The following ZMYM2 variants were observed in gnomAD, a reference collection of about 807,000 sequenced individuals.
ZMYM2 encodes the protein zinc finger MYM-type protein 2.
Under a neutral mutation model 162.8 loss-of-function variants are expected in ZMYM2, and 56 were observed. The observed-to-expected ratio is 0.34, with a 90% confidence interval of 0.28 to 0.43. The LOEUF is 0.43. Among genes scored for constraint, ZMYM2 ranks in the 20% least tolerant of loss-of-function variants. ZMYM2 has a pLI of 1.00. For synonymous variants in ZMYM2, 510 were observed against 541.6 expected (o/e 0.94, Z 0.81); for missense variants, 1,275 against 1,621.8 (o/e 0.79, Z 3.67).
chr13:19,952,496 C>G, the ZMYM2 span, among the ~76,000 whole-genome samples: 2 of 152,068 alleles, frequency 1.3e-5, no homozygotes, highest in African/African-American at 2.4e-5. Flanking sequence ...GTTGTATACA[C>G]TAAATATATT....
chr13:19,953,055 T>C, the ZMYM2 span, among the ~76,000 whole-genome samples: 2 of 152,206 alleles, frequency 1.3e-5, no homozygotes. Context: ...AGACATGTGA[T>C]GCTTTCCTTG....
At chr13:19,891,777 TA>T in the ZMYM2 span, among the ~76,000 whole-genome samples, 1 of 151,522 alleles carries the variant, frequency 6.6e-6, no homozygotes, top group Non-Finnish European at 1.5e-5. Flanking sequence ...ATCCTCCCTC[TA>T]AAAAAAATAA....
chr13:19,950,993 T>C, the ZMYM2 span, among the ~76,000 whole-genome samples: 1 of 152,362 alleles, frequency 6.6e-6, no homozygotes, highest in Non-Finnish European at 1.5e-5. Flanking sequence ...TTGTAAACTT[T>C]CTTAAAACGT....
chr13:19,982,281 CTTTTTTTTT>C (rs56165263), intron 2 of ZMYM2, among the ~76,000 whole-genome samples: 61 of 86,268 alleles, frequency 7.1e-4, no homozygotes, highest in Admixed American at 1.9e-3. Flanking sequence ...TATTAGCTGT[CTTTTTTTTT>C]TTTTTTTTTT....
intron 4 of ZMYM2, among the ~76,000 whole-genome samples, chr13:20,004,774 C>T (rs1950624088): frequency 6.6e-6 from 1 of 152,108 alleles, no homozygotes; most frequent in African/African-American, 2.4e-5. Flanking sequence ...ACATTAATTC[C>T]ATATAACTAA....
the ZMYM2 span, among the ~76,000 whole-genome samples, chr13:19,881,087 C>T: frequency 6.6e-6 from 1 of 151,760 alleles, no homozygotes; most frequent in Non-Finnish European, 1.5e-5. Context: ...GGGCATTTCA[C>T]CATGTTGGTC....
the ZMYM2 span, among the ~76,000 whole-genome samples, chr13:19,947,451 C>CTTTTTTTTTTTTTTTTTTTTTTTTT: frequency 7.7e-6 from 1 of 130,054 alleles, no homozygotes. Context: ...TCTTCTTCGT[C>CTTTTTTTTTTTTTTTTTTTTTTTTT]TTTTTTTTTT....
chr13:20,084,945 T>C (rs1258028579), intron 24 of ZMYM2, among the ~76,000 whole-genome samples: 1 of 152,150 alleles, frequency 6.6e-6, no homozygotes, highest in African/African-American at 2.4e-5. Context: ...TGACCAGAAG[T>C]GTTTTAGATT....
chr13:19,888,583 CTTCAT>C, the ZMYM2 span, among the ~76,000 whole-genome samples: 2 of 151,690 alleles, frequency 1.3e-5, no homozygotes, highest in Non-Finnish European at 2.9e-5. Context: ...TGTGGATCCT[CTTCAT>C]TTATTTATTT....
At chr13:20,060,934 T>C in intron 16 of ZMYM2, 119 bp from the exon 17 acceptor site, 1 of 974,380 alleles carries the variant, frequency 1.0e-6, no homozygotes, top group East Asian at 2.6e-5. Context: ...ATGTGTTCTT[T>C]TCAAAGCTTT....
At chr13:19,926,366 T>TC in the ZMYM2 span, among the ~76,000 whole-genome samples, 5 of 148,728 alleles carry the variant, frequency 3.4e-5, no homozygotes, top group African/African-American at 4.9e-5. Context: ...ACTTATTTTT[T>TC]TTTTTTTTTT....
At chr13:20,046,564 A>AATATATATAT (rs1555317285) in intron 12 of ZMYM2, among the ~76,000 whole-genome samples, 5 of 103,870 alleles carry the variant, frequency 4.8e-5, no homozygotes, top group African/African-American at 1.8e-4. Flanking sequence ...TAAAAAAAAA[A>AATATATATAT]ATATATATAT....
At chr13:19,882,937 T>C in the ZMYM2 span, among the ~76,000 whole-genome samples, 1 of 152,150 alleles carries the variant, frequency 6.6e-6, no homozygotes, top group Non-Finnish European at 1.5e-5. Context: ...GATGTTCAAA[T>C]AAATACTTAT....
At chr13:20,047,429 C>T (rs1047389343) in intron 12 of ZMYM2, among the ~76,000 whole-genome samples, 1 of 152,026 alleles carries the variant, frequency 6.6e-6, no homozygotes, top group African/African-American at 2.4e-5. Context: ...ATGACCCTTA[C>T]AAATCATTCC....
chr13:19,972,637 G>T (rs1324770772), intron 2 of ZMYM2, among the ~76,000 whole-genome samples: 1 of 151,986 alleles, frequency 6.6e-6, no homozygotes, highest in Non-Finnish European at 1.5e-5. Flanking sequence ...ATGCTGCAAG[G>T]AATATACTTG....
At chr13:19,888,758 C>G in the ZMYM2 span, among the ~76,000 whole-genome samples, 1 of 151,738 alleles carries the variant, frequency 6.6e-6, no homozygotes, top group African/African-American at 2.4e-5. Flanking sequence ...TGCCACCACA[C>G]TCAGCTAATT....
chr13:20,066,768 C>A, intron 19 of ZMYM2, 83 bp from the exon 20 acceptor site: 1 of 1,331,782 alleles, frequency 7.5e-7, no homozygotes, highest in Non-Finnish European at 9.8e-7. Flanking sequence ...TGTAATTTGC[C>A]TTTGTTGAGA....
At chr13:20,019,661 G>T in intron 7 of ZMYM2, 43 bp downstream of exon 7, 1 of 1,513,830 alleles carries the variant, frequency 6.6e-7, no homozygotes, top group South Asian at 1.2e-5. Flanking sequence ...TAACATTTTT[G>T]AGCACTGCTA....
chr13:20,012,827 C>A (rs1052721534), intron 6 of ZMYM2, among the ~76,000 whole-genome samples: 11 of 152,100 alleles, frequency 7.2e-5, no homozygotes, highest in African/African-American at 2.7e-4. Flanking sequence ...CATGTGTGAT[C>A]TTATGTATGT....
Sources: allele counts gnomAD v4.1 joint callset (sites outside exome capture counted in the v4.1 genomes callset), GRCh38; gene constraint gnomAD v4.1.1; transcripts MANE v1.5; gene names NCBI Gene and HGNC (gene_info 2026-07-23, HGNC 2026-07-21).